The following CADM2 variants were observed in gnomAD, a reference collection of about 807,000 sequenced individuals.
CADM2 encodes the protein cell adhesion molecule 2, also known as immunoglobulin superfamily member 4D.
A neutral mutation model predicts 49.8 loss-of-function variants in CADM2; 12 were observed. The observed-to-expected ratio is 0.24, with a 90% CI of 0.15 to 0.39. CADM2 has a LOEUF of 0.39. Ranked by LOEUF, CADM2 falls within the 10% of genes least tolerant of loss-of-function variation. CADM2 has a pLI of 1.00. For synonymous variants in CADM2, 214 were observed against 175.4 expected (o/e 1.22, Z -1.74); for missense variants, 378 against 492.3 (o/e 0.77, Z 2.20).
chr3:85,230,968 A>T (rs1308680830), intron 1 of CADM2, among the ~76,000 whole-genome samples: 1 of 151,876 alleles, frequency 6.6e-6, no homozygotes, highest in Non-Finnish European at 1.5e-5. Flanking sequence ...GGAAGTTGAA[A>T]ATCGAAGTGT....
At chr3:85,358,896 T>C (rs1328269303) in intron 1 of CADM2, among the ~76,000 whole-genome samples, 1 of 152,168 alleles carries the variant, frequency 6.6e-6, no homozygotes, top group East Asian at 1.9e-4. Flanking sequence ...ATCTTGTAGT[T>C]AGTGGGTTGT....
intron 1 of CADM2, among the ~76,000 whole-genome samples, chr3:85,596,909 C>T (rs1900917): frequency 6.6e-6 from 1 of 151,996 alleles, no homozygotes; most frequent in Non-Finnish European, 1.5e-5. Context: ...TAGAGACAGG[C>T]TTTCGCCATG....
At chr3:85,620,698 T>C (rs531695378) in intron 1 of CADM2, among the ~76,000 whole-genome samples, 8 of 152,254 alleles carry the variant, frequency 5.3e-5, no homozygotes, top group African/African-American at 1.7e-4. Flanking sequence ...AAAACATCTT[T>C]TAAACAATTA....
chr3:85,076,943 G>A (rs1575817233), intron 1 of CADM2, among the ~76,000 whole-genome samples: 1 of 152,144 alleles, frequency 6.6e-6, no homozygotes, highest in African/African-American at 2.4e-5. Context: ...CTGCACTCCA[G>A]CCTGGGCACC....
At chr3:85,801,483 T>C (rs2072033234) in intron 2 of CADM2, among the ~76,000 whole-genome samples, 2 of 152,148 alleles carry the variant, frequency 1.3e-5, no homozygotes, top group Non-Finnish European at 1.5e-5. Flanking sequence ...TCCCACTGTT[T>C]TACACAATAC....
intron 1 of CADM2, among the ~76,000 whole-genome samples, chr3:85,157,818 A>G (rs2040185436): frequency 6.6e-6 from 1 of 152,234 alleles, no homozygotes; most frequent in Non-Finnish European, 1.5e-5. Flanking sequence ...AGCAATGGCA[A>G]TAAAAGCCAA....
At chr3:85,242,110 T>C (rs574453225) in intron 1 of CADM2, among the ~76,000 whole-genome samples, 1 of 151,310 alleles carries the variant, frequency 6.6e-6, no homozygotes, top group East Asian at 1.9e-4. Context: ...GAAGAGCCTA[T>C]ATATAACTTT....
At chr3:85,767,562 A>C (rs953747123) in intron 2 of CADM2, among the ~76,000 whole-genome samples, 2 of 152,118 alleles carry the variant, frequency 1.3e-5, no homozygotes, top group Non-Finnish European at 2.9e-5. Context: ...GATTATCGTG[A>C]TCTTTTATTC....
intron 1 of CADM2, among the ~76,000 whole-genome samples, chr3:85,238,370 T>A (rs2042455641): frequency 6.6e-6 from 1 of 151,976 alleles, no homozygotes; most frequent in Admixed American, 6.6e-5. Context: ...ATCATTGACA[T>A]CATTCTGTTT....
intron 1 of CADM2, among the ~76,000 whole-genome samples, chr3:85,358,452 G>C (rs1440538961): frequency 2.6e-5 from 4 of 152,096 alleles, no homozygotes; most frequent in Non-Finnish European, 2.9e-5. Flanking sequence ...CTGTGGCTCA[G>C]AGTTTGGTGA....
At chr3:85,880,377 A>G (rs1252285432) in intron 3 of CADM2, among the ~76,000 whole-genome samples, 1 of 151,854 alleles carries the variant, frequency 6.6e-6, no homozygotes, top group Non-Finnish European at 1.5e-5. Context: ...AGTCCATTGT[A>G]TTTTCTCTTA....
chr3:85,249,786 C>A (rs921841305), intron 1 of CADM2, among the ~76,000 whole-genome samples: 8 of 151,744 alleles, frequency 5.3e-5, no homozygotes, highest in African/African-American at 1.9e-4. Flanking sequence ...TTGTTATTCT[C>A]TAGAGATTTA....
chr3:85,241,636 C>A (rs1424804518), intron 1 of CADM2, among the ~76,000 whole-genome samples: 3 of 151,484 alleles, frequency 2.0e-5, no homozygotes, highest in Non-Finnish European at 4.4e-5. Context: ...AGGTTAATTA[C>A]ATCACTAAAC....
Position 85,984,140 on chromosome 3 carries a change from A to G in CADM2, c.970+22493A>G, listed in dbSNP as rs934514543. On this transcript the variant is annotated intron_variant, in intron 8 of 9. Transcript: ENST00000383699. ...TGATGTGTACAATTATTCCGATTAT[A>G]TATTATATATCATATGTGTACATAT... Among the ~76,000 whole-genome samples the G allele has an allele frequency of 2.0e-4, 30 of 150,100 alleles. No homozygotes were observed. In the South Asian group the frequency reaches 2.5e-3, roughly 13 times the overall value.
intron 1 of CADM2, among the ~76,000 whole-genome samples, chr3:85,513,757 G>T (rs1489345452): frequency 1.3e-5 from 2 of 151,822 alleles, no homozygotes; most frequent in African/African-American, 4.8e-5. Context: ...TCCATTTGAG[G>T]CTATACTTTG....
intron 1 of CADM2, among the ~76,000 whole-genome samples, chr3:85,311,364 TTTATTA>T (rs199621915): frequency 2.2e-4 from 32 of 148,184 alleles, no homozygotes; most frequent in Non-Finnish European, 1.2e-4. Flanking sequence ...TTTATTTATA[TTTATTA>T]TTATTATTAT....
Position 85,789,880 on chromosome 3 carries a change from G to A in CADM2, c.89-12167G>A, listed in dbSNP as rs568428939. ...GCAGGGTAATAAGCAGAAAAGCTAA[G>A]AATAGAAAGAATTGACTTTGTACAC... On this transcript the variant is annotated intron_variant, in intron 2 of 9. Coordinates refer to ENST00000383699, the MANE Select transcript of CADM2 (RefSeq NM_001167675.2). Among the ~76,000 whole-genome samples the A allele has an allele frequency of 1.4e-3, 209 of 152,168 alleles. 1 individual carries two copies. The highest frequency in any genetic ancestry group is 0.014 in the Middle Eastern group (4 of 292).
intron 1 of CADM2, among the ~76,000 whole-genome samples, chr3:85,411,323 C>T (rs2107469641): frequency 6.6e-6 from 1 of 152,188 alleles, no homozygotes; most frequent in East Asian, 1.9e-4. Flanking sequence ...GACTGAAAAT[C>T]CCAACAAACC....
At chr3:85,497,670 G>A (rs2039960134) in intron 1 of CADM2, among the ~76,000 whole-genome samples, 1 of 151,982 alleles carries the variant, frequency 6.6e-6, no homozygotes, top group African/African-American at 2.4e-5. Flanking sequence ...CAAAGAACAA[G>A]CAGTATCTCC....
Sources: allele counts gnomAD v4.1 joint callset (sites outside exome capture counted in the v4.1 genomes callset), GRCh38; gene constraint gnomAD v4.1.1; transcripts MANE v1.5; gene names NCBI Gene and HGNC (gene_info 2026-07-23, HGNC 2026-07-21).